The following CAMKMT variants were observed in gnomAD, a reference collection of about 807,000 sequenced individuals.
The protein encoded by CAMKMT is calmodulin-lysine N-methyltransferase.
CAMKMT carries 53 observed loss-of-function variants against 48.0 expected under a neutral mutation model. That is an observed-to-expected ratio of 1.10 (90% CI 0.89 to 1.39). The LOEUF is 1.39. Among genes scored for constraint, CAMKMT ranks in the 40% most tolerant of loss-of-function variants. The pLI is 0.00. For missense variants in CAMKMT, 428 were observed against 402.7 expected, an observed-to-expected ratio of 1.06 and a Z score of -0.54; for synonymous variants, 165 against 152.3, an observed-to-expected ratio of 1.08 and a Z score of -0.61.
intron 3 of CAMKMT, among the ~76,000 whole-genome samples, chr2:44,497,738 A>AGAGAGAGAGAGAGAGAGAGG (rs1558657797): frequency 5.3e-5 from 8 of 150,514 alleles, no homozygotes; most frequent in East Asian, 1.9e-4. Flanking sequence ...AGAGAGAGAG[A>AGAGAGAGAGAGAGAGAGAGG]GAGAGGGATA....
chr2:44,747,577 C>T (rs1321715968), intron 8 of CAMKMT, among the ~76,000 whole-genome samples: 1 of 152,214 alleles, frequency 6.6e-6, no homozygotes, highest in Non-Finnish European at 1.5e-5. Context: ...TGAAAGAGGT[C>T]ATTCCTTTGC....
intron 3 of CAMKMT, among the ~76,000 whole-genome samples, chr2:44,407,690 G>C (rs1417347741): frequency 2.0e-5 from 3 of 152,150 alleles, no homozygotes; most frequent in Non-Finnish European, 4.4e-5. Flanking sequence ...TATGGGTTGA[G>C]CCATGGCTAA....
chr2:44,409,097 A>G (rs1161309147), intron 3 of CAMKMT, among the ~76,000 whole-genome samples: 3 of 4,876 alleles, frequency 6.2e-4, no homozygotes, highest in East Asian at 8.3e-3. Context: ...ATATATATAT[A>G]TATATATATA....
intron 3 of CAMKMT, among the ~76,000 whole-genome samples, chr2:44,444,917 A>G (rs958191207): frequency 6.6e-6 from 1 of 152,200 alleles, no homozygotes; most frequent in Admixed American, 6.5e-5. Flanking sequence ...AAAGGAGTCC[A>G]TGCAACCCCC....
At chr2:44,592,126 A>G (rs1387489122) in intron 3 of CAMKMT, among the ~76,000 whole-genome samples, 1 of 152,050 alleles carries the variant, frequency 6.6e-6, no homozygotes, top group Non-Finnish European at 1.5e-5. Flanking sequence ...TGACGAGTTA[A>G]TGGGTGCAGC....
chr2:44,367,666 A>G (rs1231664399), intron 1 of CAMKMT, among the ~76,000 whole-genome samples: 1 of 152,212 alleles, frequency 6.6e-6, no homozygotes, highest in Non-Finnish European at 1.5e-5. Context: ...CAGATATAAG[A>G]CTAGCTGCCT....
intron 3 of CAMKMT, among the ~76,000 whole-genome samples, chr2:44,606,110 CTA>C (rs1671265484): frequency 6.6e-6 from 1 of 152,102 alleles, no homozygotes; most frequent in Non-Finnish European, 1.5e-5. Flanking sequence ...GTGTTTGTGG[CTA>C]TGTTTTCAAG....
chr2:44,693,776 A>G (rs1367916962), intron 3 of CAMKMT, among the ~76,000 whole-genome samples: 4 of 152,220 alleles, frequency 2.6e-5, no homozygotes, highest in Admixed American at 2.6e-4. Context: ...ACTCATTCCA[A>G]CATGAGCAGC....
At chr2:44,437,096 C>T (rs980691857) in intron 3 of CAMKMT, among the ~76,000 whole-genome samples, 2 of 151,942 alleles carry the variant, frequency 1.3e-5, no homozygotes, top group Non-Finnish European at 2.9e-5. Context: ...CTATTCTGTC[C>T]AGATTTTTCA....
At chr2:44,735,592 C>A (rs1400452898) in intron 7 of CAMKMT, among the ~76,000 whole-genome samples, 1 of 151,768 alleles carries the variant, frequency 6.6e-6, no homozygotes, top group Admixed American at 6.6e-5. Context: ...AAATGATATA[C>A]CATTTCATGT....
At chr2:44,439,821 A>G (rs941250582) in intron 3 of CAMKMT, among the ~76,000 whole-genome samples, 2 of 140,944 alleles carry the variant, frequency 1.4e-5, no homozygotes, top group African/African-American at 5.8e-5. Context: ...AAATAAATAA[A>G]TAAATAAGAA....
chr2:44,457,738 C>T (rs10198598), intron 3 of CAMKMT, among the ~76,000 whole-genome samples: 52 of 152,186 alleles, frequency 3.4e-4, no homozygotes, highest in Non-Finnish European at 6.0e-4. Flanking sequence ...GTACAAGAGT[C>T]TTTGAAACTA....
Position 44,441,554 on chromosome 2 carries a change from G to C in CAMKMT, c.376+51249G>C, listed in dbSNP as rs17032225. 5.1e-3 allele frequency among the ~76,000 whole-genome samples: 775 copies of C among 152,162 alleles called. 4 individuals are homozygous for C. Among genetic ancestry groups the C allele is most frequent in the African/African-American group, 0.018 (747 of 41,526 alleles). ...TGTATAAAAAGACTGCGCTATCTTA[G>C]GGTAGGGTTAACTATCTCTTGATAC... On this transcript the variant is annotated intron_variant, in intron 3 of 10. Transcript: ENST00000378494.
intron 3 of CAMKMT, among the ~76,000 whole-genome samples, chr2:44,699,601 AT>A (rs144755984): frequency 4.0e-5 from 6 of 149,474 alleles, no homozygotes; most frequent in South Asian, 2.1e-4. Flanking sequence ...CTTTTCTCTT[AT>A]TTTTTTTTTA....
At chr2:44,400,376 C>G (rs569051323) in intron 3 of CAMKMT, among the ~76,000 whole-genome samples, 16 of 152,004 alleles carry the variant, frequency 1.1e-4, no homozygotes, top group African/African-American at 3.9e-4. Flanking sequence ...TCTAATGGCC[C>G]GAGTCTGAGC....
intron 3 of CAMKMT, chr2:44,394,846 T>C (rs1338064610): frequency 6.6e-6 from 3 of 453,958 alleles, no homozygotes; most frequent in African/African-American, 2.0e-5. Flanking sequence ...GGTAATCAGT[T>C]ATTATTGAAA....
At chr2:44,586,533 C>T (rs1357268200) in intron 3 of CAMKMT, among the ~76,000 whole-genome samples, 1 of 152,044 alleles carries the variant, frequency 6.6e-6, no homozygotes, top group East Asian at 1.9e-4. Flanking sequence ...AAATTGTATT[C>T]TTTTTCATCA....
intron 1 of CAMKMT, among the ~76,000 whole-genome samples, chr2:44,370,229 A>C (rs1679020062): frequency 6.6e-6 from 1 of 152,208 alleles, no homozygotes; most frequent in South Asian, 2.1e-4. Context: ...TGAGTATTTA[A>C]TGAAGAATGT....
At chr2:44,476,151 T>C (rs1668678425) in intron 3 of CAMKMT, among the ~76,000 whole-genome samples, 1 of 152,224 alleles carries the variant, frequency 6.6e-6, no homozygotes, top group South Asian at 2.1e-4. Flanking sequence ...TCTTCGGTGC[T>C]TGAGTTGATA....
Sources: allele counts gnomAD v4.1 joint callset (sites outside exome capture counted in the v4.1 genomes callset), GRCh38; gene constraint gnomAD v4.1.1; transcripts MANE v1.5; gene names NCBI Gene and HGNC (gene_info 2026-07-23, HGNC 2026-07-21).